GRM3: variants seen among roughly 807,000 people sequenced by gnomAD.
GRM3 encodes metabotropic glutamate receptor 3.
A neutral mutation model predicts 70.5 loss-of-function variants in GRM3; 26 were observed. That is an observed-to-expected ratio of 0.37 (90% confidence interval 0.27 to 0.51). The LOEUF is 0.51. Ranked by LOEUF, GRM3 falls within the 20% of genes least tolerant of loss-of-function variation. GRM3 has a pLI of 0.93. For missense variants in GRM3, 859 were observed against 1,123.8 expected, an observed-to-expected ratio of 0.76 and a Z score of 3.37; for synonymous variants, 443 against 434.9, an observed-to-expected ratio of 1.02 and a Z score of -0.23.
At chr7:86,853,450 T>C (rs759567241) in intron 5 of GRM3, among the ~76,000 whole-genome samples, 13 of 152,216 alleles carry the variant, frequency 8.5e-5, no homozygotes, top group Non-Finnish European at 1.9e-4. Flanking sequence ...TCAATTTATA[T>C]CCATTTCCCT....
At chr7:86,808,876 A>G (rs1282663043) in intron 3 of GRM3, among the ~76,000 whole-genome samples, 1 of 152,076 alleles carries the variant, frequency 6.6e-6, no homozygotes, top group East Asian at 1.9e-4. Flanking sequence ...TTAGCGTGGA[A>G]GAGACAGAAG....
At chr7:86,825,687 C>G (rs1178779827) in intron 3 of GRM3, among the ~76,000 whole-genome samples, 1 of 152,176 alleles carries the variant, frequency 6.6e-6, no homozygotes, top group Non-Finnish European at 1.5e-5. Flanking sequence ...AAAGTTCATC[C>G]TTGAAGGCTG....
chr7:86,838,940 G>A lies in GRM3; in HGVS notation c.1426G>A (p.Gly476Arg), dbSNP rs200724318. 9 of 1,613,562 alleles carry A rather than the reference G, an allele frequency of 5.6e-6. No individual in the cohort carries two copies. Among genetic ancestry groups the A allele is most frequent in the African/African-American group, 1.3e-5 (1 of 75,032 alleles). The change falls in exon 4 of 6, where the codon GGA (glycine) becomes AGA (arginine). Residue 476 changes from glycine (G) to arginine (R), a missense_variant. By Grantham distance (125) the Gly-to-Arg change is moderately radical. Transcript: ENST00000361669. ...YNVFNFQNVG[G>R]KYSYLKVGHW... ...CGTGTTCAATTTCCAAAATGTAGGTGGAAAGTATTCCTACTTGAAAGTTGG... is the reference window on the plus strand; with the variant it reads ...CGTGTTCAATTTCCAAAATGTAGGTAGAAAGTATTCCTACTTGAAAGTTGG...
intron 3 of GRM3, among the ~76,000 whole-genome samples, chr7:86,813,323 G>T (rs778217713): frequency 6.6e-6 from 1 of 151,616 alleles, no homozygotes; most frequent in Admixed American, 6.6e-5. Context: ...TGGGTCTTTA[G>T]AAATGAAGCA....
intron 1 of GRM3, among the ~76,000 whole-genome samples, chr7:86,764,747 T>C (rs1176912135): frequency 6.6e-6 from 1 of 151,962 alleles, no homozygotes; most frequent in African/African-American, 2.4e-5. Context: ...AAACCCAATC[T>C]GCAATAAGTA....
At chr7:86,835,705 G>A (rs183428752) in intron 3 of GRM3, among the ~76,000 whole-genome samples, 28 of 152,210 alleles carry the variant, frequency 1.8e-4, no homozygotes, top group African/African-American at 6.7e-4. Context: ...CTGCCTCCCA[G>A]ACTTAAGTGA....
At chr7:86,772,871 A>T (rs1278821292) in intron 2 of GRM3, among the ~76,000 whole-genome samples, 1 of 152,108 alleles carries the variant, frequency 6.6e-6, no homozygotes, top group Non-Finnish European at 1.5e-5. Flanking sequence ...TTACAATTGT[A>T]CATTTTTAGT....
chr7:86,799,648 T>TC (rs1324820789), intron 3 of GRM3, among the ~76,000 whole-genome samples: 1 of 152,086 alleles, frequency 6.6e-6, no homozygotes, highest in African/African-American at 2.4e-5. Context: ...TGCCCTAGCC[T>TC]CCCGAGTAGC....
chr7:86,662,586 T>C (rs1450168502), intron 1 of GRM3, among the ~76,000 whole-genome samples: 1 of 152,010 alleles, frequency 6.6e-6, no homozygotes, highest in Non-Finnish European at 1.5e-5. Flanking sequence ...TTTGGTTTTA[T>C]GTATATCTAA....
At chr7:86,856,385 G>T (rs934669728) in intron 5 of GRM3, among the ~76,000 whole-genome samples, 1 of 150,486 alleles carries the variant, frequency 6.6e-6, no homozygotes, top group Non-Finnish European at 1.5e-5. Flanking sequence ...GGTGGAGGCT[G>T]CAGTGAGCCG....
intron 3 of GRM3, among the ~76,000 whole-genome samples, chr7:86,808,928 G>A (rs1428003358): frequency 7.0e-6 from 1 of 143,482 alleles, no homozygotes; most frequent in Non-Finnish European, 1.5e-5. Flanking sequence ...TAAGGATTTT[G>A]GACTTTACTC....
At chr7:86,846,000 T>G (rs1324551887) in intron 4 of GRM3, among the ~76,000 whole-genome samples, 1 of 152,176 alleles carries the variant, frequency 6.6e-6, no homozygotes, top group Non-Finnish European at 1.5e-5. Context: ...TAACAGAGCA[T>G]TTGCTCTCTC....
At chr7:86,820,540 A>C (rs929986168) in intron 3 of GRM3, among the ~76,000 whole-genome samples, 1 of 152,182 alleles carries the variant, frequency 6.6e-6, no homozygotes, top group Non-Finnish European at 1.5e-5. Flanking sequence ...AAAGCTTTGT[A>C]GTATTAACCC....
chr7:86,842,852 T>C (rs1283744608), intron 4 of GRM3, among the ~76,000 whole-genome samples: 2 of 152,020 alleles, frequency 1.3e-5, no homozygotes, highest in Non-Finnish European at 2.9e-5. Flanking sequence ...TCCATAAGAG[T>C]TATATGGGTA....
intron 1 of GRM3, among the ~76,000 whole-genome samples, chr7:86,756,137 G>A (rs765736073): frequency 7.2e-5 from 11 of 152,118 alleles, no homozygotes; most frequent in Admixed American, 7.2e-4. Context: ...GGAGTGCAAT[G>A]GCGTGATCTT....
chr7:86,739,184 T>C lies in GRM3; in HGVS notation c.-140-25822T>C, dbSNP rs181433532. Among the ~76,000 whole-genome samples, 588 of 152,128 alleles carry C rather than the reference T, an allele frequency of 3.9e-3. 2 individuals are homozygous for C. The highest frequency in any genetic ancestry group is 6.8e-3 in the Non-Finnish European group (464 of 67,966). Reference sequence around the variant, plus strand: ...TAGAGATGGGGTTTCACCATGTTGGTCAGGCTGGTCTCAAACTCCTGACCT... The same window carrying C: ...TAGAGATGGGGTTTCACCATGTTGGCCAGGCTGGTCTCAAACTCCTGACCT... On this transcript the variant is annotated intron_variant, in intron 1 of 5. Coordinates refer to ENST00000361669, the MANE Select transcript of GRM3 (RefSeq NM_000840.3).
intron 1 of GRM3, among the ~76,000 whole-genome samples, chr7:86,669,068 G>C (rs182369356): frequency 6.6e-6 from 1 of 152,220 alleles, no homozygotes; most frequent in Non-Finnish European, 1.5e-5. Context: ...CAAGACTTTA[G>C]CTGGTGACCA....
intron 1 of GRM3, among the ~76,000 whole-genome samples, chr7:86,674,267 G>A (rs965809428): frequency 6.6e-6 from 1 of 151,864 alleles, no homozygotes; most frequent in South Asian, 2.1e-4. Context: ...ACTATTGTTA[G>A]AAGTCCTCCA....
chr7:86,808,105 C>A (rs1797833741), intron 3 of GRM3, among the ~76,000 whole-genome samples: 1 of 151,972 alleles, frequency 6.6e-6, no homozygotes, highest in South Asian at 2.1e-4. Flanking sequence ...CAACCTTATC[C>A]TGGTGGATAA....
Sources: gnomAD v4.1 joint callset for allele counts (sites outside exome capture counted in the v4.1 genomes callset) on GRCh38, gnomAD v4.1.1 for gene constraint, MANE v1.5 for transcripts, NCBI Gene and HGNC (gene_info 2026-07-23, HGNC 2026-07-21) for gene names.